Variants in ADCY10 observed in about 807,000 individuals in gnomAD.
ADCY10 encodes adenylate cyclase type 10.
Under a neutral mutation model 183.3 loss-of-function variants are expected in ADCY10, and 156 were observed. That is an observed-to-expected ratio of 0.85 (90% CI 0.75 to 0.97). ADCY10 has a LOEUF of 0.97. ADCY10 is among the 50% of genes least tolerant of loss of function. The probability of loss-of-function intolerance (pLI) is 0.00; values close to 1 mark genes in which losing one functional copy is unlikely to be tolerated. For synonymous variants in ADCY10, 645 were observed against 670.0 expected (o/e 0.96, Z 0.58); for missense variants, 1,745 against 1,934.3 (o/e 0.90, Z 1.84).
chr1:167,869,728 A>T (rs1447778228), intron 14 of ADCY10, among the ~76,000 whole-genome samples: 1 of 152,148 alleles, frequency 6.6e-6, no homozygotes, highest in Non-Finnish European at 1.5e-5. Flanking sequence ...TCAATCGATC[A>T]CGACCCTCTC....
At chr1:167,846,995 G>A (rs203793) in intron 19 of ADCY10, among the ~76,000 whole-genome samples, 28,454 of 151,126 alleles carry the variant, frequency 0.19, 3,025 homozygotes, top group East Asian at 0.41. Flanking sequence ...GGCTGATCTC[G>A]GCTCACTGCA....
At chr1:167,910,364 A>G (rs891244166) in intron 1 of ADCY10, among the ~76,000 whole-genome samples, 1 of 152,230 alleles carries the variant, frequency 6.6e-6, no homozygotes, top group Non-Finnish European at 1.5e-5. Flanking sequence ...AATGTGAGGA[A>G]TGATGGCAGA....
At chr1:167,810,326 A>C (rs1662123466) in intron 32 of ADCY10, among the ~76,000 whole-genome samples, 1 of 152,170 alleles carries the variant, frequency 6.6e-6, no homozygotes, top group African/African-American at 2.4e-5. Context: ...CTATGGTCTG[A>C]ATGTTGGCAT....
intron 30 of ADCY10, among the ~76,000 whole-genome samples, chr1:167,819,717 C>G (rs1480113049): frequency 1.3e-5 from 2 of 152,028 alleles, no homozygotes; most frequent in African/African-American, 4.8e-5. Context: ...CATGCGCCAC[C>G]ATGCCTGGCT....
intron 8 of ADCY10, among the ~76,000 whole-genome samples, chr1:167,887,947 T>A (rs1668343241): frequency 6.6e-6 from 1 of 152,194 alleles, no homozygotes; most frequent in South Asian, 2.1e-4. Flanking sequence ...CCATTTTGAC[T>A]TGATTTTTGT....
At chr1:167,891,529 G>A (rs1037592858) in intron 8 of ADCY10, among the ~76,000 whole-genome samples, 19 of 151,586 alleles carry the variant, frequency 1.3e-4, no homozygotes, top group Non-Finnish European at 2.4e-4. Context: ...GGTGGCGGGC[G>A]CCTGTAGTCC....
In ADCY10 at chr1:167,809,406, T is replaced by C; in HGVS notation, c.*272A>G. ...CCATCTTGAGATTAATAATTTGTAA[T>C]ATGATACAGTTTTGCATGGGCTGAA... On this transcript the variant is annotated 3_prime_UTR_variant, in exon 33 of 33. Coordinates refer to ENST00000367851, the MANE Select transcript of ADCY10 (RefSeq NM_018417.6). 1 of 415,880 alleles carries C rather than the reference T, an allele frequency of 2.4e-6. No individual in the cohort carries two copies. Among genetic ancestry groups the C allele is most frequent in the South Asian group, 2.8e-5 (1 of 35,740 alleles). 25.8% of individuals were successfully genotyped at this position (415,880 alleles called of 1,614,324 possible). A position where few individuals can be genotyped will look rare whatever the true frequency, so the allele number is the denominator to read the frequency against.
intron 18 of ADCY10, among the ~76,000 whole-genome samples, chr1:167,851,201 T>G (rs1190351611): frequency 6.6e-6 from 1 of 152,152 alleles, no homozygotes; most frequent in Non-Finnish European, 1.5e-5. Context: ...GTTTTGTTTT[T>G]TTGAGACAGG....
chr1:167,827,207 G>A (rs1488366511), intron 26 of ADCY10, among the ~76,000 whole-genome samples: 5 of 150,778 alleles, frequency 3.3e-5, no homozygotes, highest in East Asian at 1.9e-4. Context: ...TTGCTCTGTC[G>A]CCCAGGCTGG....
intron 7 of ADCY10, among the ~76,000 whole-genome samples, chr1:167,895,390 T>G (rs1401737671): frequency 6.6e-6 from 1 of 152,022 alleles, no homozygotes; most frequent in Non-Finnish European, 1.5e-5. Context: ...GTCTCCCCAC[T>G]CCCCACCCCA....
intron 14 of ADCY10, among the ~76,000 whole-genome samples, chr1:167,869,130 T>C (rs1212734737): frequency 6.6e-6 from 1 of 152,130 alleles, no homozygotes; most frequent in Non-Finnish European, 1.5e-5. Flanking sequence ...CCCGTACGAG[T>C]GTAGCACGGA....
At chr1:167,909,314 C>T (rs1283272226) in intron 1 of ADCY10, among the ~76,000 whole-genome samples, 1 of 152,084 alleles carries the variant, frequency 6.6e-6, no homozygotes, top group African/African-American at 2.4e-5. Flanking sequence ...CACTTTTAGA[C>T]CATTATGAAT....
chr1:167,852,405 C>A (rs1471309491), intron 18 of ADCY10, among the ~76,000 whole-genome samples: 1 of 152,070 alleles, frequency 6.6e-6, no homozygotes, highest in Non-Finnish European at 1.5e-5. Flanking sequence ...GATCGTTCCA[C>A]TGCACCCCAG....
At chr1:167,866,220 A>G (rs10800330) in intron 14 of ADCY10, among the ~76,000 whole-genome samples, 51,767 of 151,972 alleles carry the variant, frequency 0.34, 10,283 homozygotes, top group East Asian at 0.57. Flanking sequence ...CTGGCATTTC[A>G]TCAACAAGAG....
At position 167,856,040 on chromosome 1, in the gene ADCY10, A is replaced by C. The variant is rs534976605; in HGVS notation, c.2171+125T>G. On this transcript the variant is annotated intron_variant, in intron 17 of 32. Coordinates refer to ENST00000367851, the MANE Select transcript of ADCY10 (RefSeq NM_018417.6). ...AAAAAAAGAAAAGAAAAATTTTTTAAAAGGTGGGGCCAGGAAAGATACTGA... is the reference window on the plus strand; with the variant it reads ...AAAAAAAGAAAAGAAAAATTTTTTACAAGGTGGGGCCAGGAAAGATACTGA... The C allele has an allele frequency of 1.9e-5, 21 of 1,120,842 alleles. No homozygotes were observed. The African/African-American group carries it at 2.4e-4, about 13-fold the overall frequency. 69.4% of individuals were successfully genotyped at this position (1,120,842 alleles called of 1,614,324 possible). A position where few individuals can be genotyped will look rare whatever the true frequency, so the allele number is the denominator to read the frequency against.
In ADCY10 at chr1:167,840,367, A is replaced by ATTTTTT. The variant is rs546653110; in HGVS notation, c.3008-3055_3008-3050dup. ...TTGGGTGAATCATATTATTATTACT[A>ATTTTTT]TTTTTTTTGGATGGAGTTTCACTCT... On this transcript the variant is annotated intron_variant, in intron 21 of 32. Coordinates refer to ENST00000367851, the MANE Select transcript of ADCY10 (RefSeq NM_018417.6). 5.5e-3 allele frequency among the ~76,000 whole-genome samples: 813 copies of ATTTTTT among 147,396 alleles called. 19 individuals are homozygous for ATTTTTT. The highest frequency in any genetic ancestry group is 0.012 in the South Asian group (57 of 4,746).
In ADCY10 at chr1:167,891,549, A is replaced by G. The variant is rs1046191980; in HGVS notation, c.828+2304T>C. Among the ~76,000 whole-genome samples, 48 of 151,434 alleles carry G rather than the reference A, an allele frequency of 3.2e-4. 1 individual carries two copies. In the East Asian group the frequency reaches 9.3e-3, roughly 29 times the overall value. On this transcript the variant is annotated intron_variant, in intron 8 of 32. Transcript: ENST00000367851. Reference sequence around the variant, plus strand: ...CGGGCGCCTGTAGTCCCAGCTACTCAGGAGGCTGAGGCAGGAGAATGGCAT... The same window carrying G: ...CGGGCGCCTGTAGTCCCAGCTACTCGGGAGGCTGAGGCAGGAGAATGGCAT...
At chr1:167,874,094 G>A (rs1667284070) in intron 13 of ADCY10, among the ~76,000 whole-genome samples, 1 of 152,218 alleles carries the variant, frequency 6.6e-6, no homozygotes, top group African/African-American at 2.4e-5. Context: ...CACTTTGGGA[G>A]GCTGGGGCAA....
chr1:167,884,818 T>C (rs769687738), intron 8 of ADCY10, among the ~76,000 whole-genome samples: 28 of 151,732 alleles, frequency 1.8e-4, no homozygotes, highest in Non-Finnish European at 2.5e-4. Flanking sequence ...CTGCCTCAGC[T>C]TCCAGAGTAG....
Sources: gnomAD v4.1 joint callset for allele counts (sites outside exome capture counted in the v4.1 genomes callset) on GRCh38, gnomAD v4.1.1 for gene constraint, MANE v1.5 for transcripts, NCBI Gene and HGNC (gene_info 2026-07-23, HGNC 2026-07-21) for gene names.